The following ERCC6L variants were observed in gnomAD, a reference collection of about 807,000 sequenced individuals.
ERCC6L encodes the protein ERCC excision repair 6 like, spindle assembly checkpoint helicase, also known as DNA excision repair protein ERCC-6-like.
ERCC6L carries 7 observed loss-of-function variants against 20.1 expected under a neutral mutation model. That is an observed-to-expected ratio of 0.35 (90% CI 0.20 to 0.65). ERCC6L has a LOEUF of 0.65. ERCC6L is among the 30% of genes least tolerant of loss of function. The pLI, the probability that ERCC6L is intolerant of heterozygous loss-of-function variation, is 0.69. For synonymous variants in ERCC6L, 278 were observed against 331.3 expected (o/e 0.84, Z 1.75); for missense variants, 592 against 892.4 (o/e 0.66, Z 4.29).
At chrX:72,215,615 A>C in intron 1 of ERCC6L, among the ~76,000 whole-genome samples, 1 of 111,724 alleles carries the variant, frequency 9.0e-6, no homozygotes, top group Non-Finnish European at 1.9e-5. Flanking sequence ...CTGCTTTGCC[A>C]ATAGACTGCT....
chrX:72,238,780 G>A (rs1232566037), intron 1 of ERCC6L, 64 bp downstream of exon 1: 2 of 1,069,960 alleles, frequency 1.9e-6, no homozygotes, highest in South Asian at 2.0e-5. Flanking sequence ...AGGATCCGGG[G>A]GCCACCCCAC....
At chrX:72,224,900 C>G (rs1602447786) in intron 1 of ERCC6L, among the ~76,000 whole-genome samples, 1 of 111,298 alleles carries the variant, frequency 9.0e-6, no homozygotes, top group Non-Finnish European at 1.9e-5. Flanking sequence ...ACAATATCAC[C>G]TCAACCCTAA....
At chrX:72,209,248 TTCCCAGAGCTTCCGC>T (rs1329089082) in intron 1 of ERCC6L, among the ~76,000 whole-genome samples, 1 of 111,282 alleles carries the variant, frequency 9.0e-6, no homozygotes, top group Non-Finnish European at 1.9e-5. Context: ...TCCTCAAGTT[TTCCCAGAGCTTCCGC>T]TCCCACCTAT....
At chrX:72,222,601 T>A (rs930479052) in intron 1 of ERCC6L, among the ~76,000 whole-genome samples, 1 of 105,972 alleles carries the variant, frequency 9.4e-6, no homozygotes, top group Non-Finnish European at 2.0e-5. Flanking sequence ...CAGCCTTTTT[T>A]TTTTTTTTTT....
chrX:72,226,574 T>TA (rs771823081), intron 1 of ERCC6L, among the ~76,000 whole-genome samples: 7 of 112,072 alleles, frequency 6.2e-5, no homozygotes, highest in African/African-American at 2.3e-4. Context: ...ACTCATCACT[T>TA]ACTAAAGGCA....
rs750805759 is a variant in ERCC6L, at chrX:72,207,422, G to C, written c.1345C>G (p.Gln449Glu). ...EDSPDVDHID[Q>E]VTDDTLMEES... Reference sequence around the variant, plus strand: ...TCCATCAATGTGTCATCAGTTACTTGATCAATATGGTCCACATCTGGGGAA... The same window carrying C: ...TCCATCAATGTGTCATCAGTTACTTCATCAATATGGTCCACATCTGGGGAA... The change falls in exon 2 of 2, where the codon CAA (glutamine) becomes GAA (glutamate). Residue 449 changes from glutamine (Q) to glutamate (E), a missense_variant. Physicochemically the swap from Gln to Glu is conservative, Grantham distance 29 (BLOSUM62 2). Coordinates refer to ENST00000334463, the MANE Select transcript of ERCC6L (RefSeq NM_017669.4). The C allele has an allele frequency of 1.7e-6, 2 of 1,211,018 alleles. No homozygotes were observed. Among genetic ancestry groups the C allele is most frequent in the Non-Finnish European group, 2.2e-6 (2 of 895,239 alleles).
chrX:72,206,160 A>G lies in ERCC6L; in HGVS notation c.2607T>C (p.Leu869=), dbSNP rs934837493. 1 of 1,211,886 alleles carries G rather than the reference A, an allele frequency of 8.3e-7. No individual in the cohort carries two copies. Among genetic ancestry groups the G allele is most frequent in the Non-Finnish European group, 1.1e-6 (1 of 895,430 alleles). Residue 869 remains leucine (L), a synonymous_variant, in exon 2 of 2, where the codon CTT becomes CTC. Coordinates refer to ENST00000334463, the MANE Select transcript of ERCC6L (RefSeq NM_017669.4). ...EDPLESFNYV[L]SKSTKADIGP... ...CAATATCAGCTTTGGTTGATTTGCT[A>G]AGTACATAATTAAAACTTTCCAGAG...
intron 1 of ERCC6L, among the ~76,000 whole-genome samples, chrX:72,224,930 C>A (rs1034432958): frequency 9.0e-6 from 1 of 111,063 alleles, no homozygotes; most frequent in Non-Finnish European, 1.9e-5. Context: ...GGGACTCAAG[C>A]CCATCATCTA....
intron 1 of ERCC6L, among the ~76,000 whole-genome samples, chrX:72,233,170 A>C (rs900658532): frequency 9.0e-6 from 1 of 111,724 alleles, no homozygotes; most frequent in African/African-American, 3.3e-5. Context: ...ATACTTCCTG[A>C]TATGACACAA....
In ERCC6L at chrX:72,206,297, GTTC is replaced by G. The variant is rs771530996; in HGVS notation, c.2467_2469del (p.Glu823del). 1.7e-6 allele frequency: 2 copies of G among 1,208,408 alleles called. No homozygotes were observed. Among genetic ancestry groups the G allele is most frequent in the Admixed American group, 4.4e-5 (2 of 45,555 alleles). On this transcript the variant is annotated inframe_deletion, in exon 2 of 2. Transcript: ENST00000334463. ...ATTCCCAATGAAGAGTTAGTACAAA[GTTC>G]TTCTACACTTCCAAACCCCTTTGGT...
intron 1 of ERCC6L, among the ~76,000 whole-genome samples, chrX:72,213,148 C>T (rs1051726453): frequency 4.5e-5 from 5 of 111,675 alleles, no homozygotes; most frequent in African/African-American, 1.6e-4. Flanking sequence ...GTCCTCTCAA[C>T]AAGAACCCAG....
Position 72,205,201 on chromosome X carries a change from G to A in ERCC6L, c.3566C>T (p.Pro1189Leu). 1 of 1,211,528 alleles carries A rather than the reference G, an allele frequency of 8.3e-7. No homozygotes were observed. Among genetic ancestry groups the A allele is most frequent in the South Asian group, 1.8e-5 (1 of 56,948 alleles). Reference protein sequence around the residue: ...PLSGEQLVGSPQDKAAEATND... With the variant: ...PLSGEQLVGSLQDKAAEATND... ...TGTAGCCTCTGCCGCCTTATCCTGGGGAGAACCAACCAACTGTTCACCAGA... is the reference window on the plus strand; with the variant it reads ...TGTAGCCTCTGCCGCCTTATCCTGGAGAGAACCAACCAACTGTTCACCAGA... Residue 1189 changes from proline to leucine, a missense_variant, in exon 2 of 2, where the codon CCC becomes CTC. Transcript: ENST00000334463.
At chrX:72,211,573 A>C (rs1047298498) in intron 1 of ERCC6L, among the ~76,000 whole-genome samples, 2 of 111,388 alleles carry the variant, frequency 1.8e-5, no homozygotes, top group African/African-American at 6.5e-5. Context: ...ATTCAAGATG[A>C]GATTGAGGAT....
Position 72,205,663 on chromosome X carries a change from T to C in ERCC6L, c.3104A>G (p.Asp1035Gly), listed in dbSNP as rs1288859585. The change falls in exon 2 of 2, where the codon GAT becomes GGT. Residue 1035 changes from aspartate to glycine, a missense_variant. Around this residue, in one of 3 missense-constraint regions of ERCC6L, gnomAD observed 352 missense variants for 402.6 expected, o/e 0.87. Transcript: ENST00000334463. ...TATGCTTGAGGTATCTTTAAAAGAA[T>C]CATCTTCATCTTCGCCATCTGAAAC... ...RIVSDGEDED[D>G]SFKDTSSINP... The C allele has an allele frequency of 5.0e-6, 6 of 1,210,505 alleles. No individual in the cohort carries two copies. The highest frequency in any genetic ancestry group is 1.8e-5 in the South Asian group (1 of 56,900).
chrX:72,222,446 G>GACT (rs1308099199), intron 1 of ERCC6L, among the ~76,000 whole-genome samples: 1 of 111,463 alleles, frequency 9.0e-6, no homozygotes, highest in Non-Finnish European at 1.9e-5. Flanking sequence ...TAGAGACACA[G>GACT]ACTGGACTTA....
At chrX:72,216,507 AATC>A (rs1230407848) in intron 1 of ERCC6L, among the ~76,000 whole-genome samples, 2 of 112,021 alleles carry the variant, frequency 1.8e-5, no homozygotes, top group Non-Finnish European at 3.8e-5. Context: ...CACAACGTGT[AATC>A]ATCACCACTA....
At chrX:72,208,967 T>A (rs1405276846) in intron 1 of ERCC6L, among the ~76,000 whole-genome samples, 1 of 111,868 alleles carries the variant, frequency 8.9e-6, no homozygotes, top group African/African-American at 3.2e-5. Flanking sequence ...ATTTTTTTTT[T>A]AATTGGCACC....
intron 1 of ERCC6L, among the ~76,000 whole-genome samples, chrX:72,213,536 C>T (rs1204811857): frequency 1.8e-5 from 2 of 111,772 alleles, no homozygotes; most frequent in Non-Finnish European, 3.8e-5. Context: ...AGCTTTCGCT[C>T]ACCGTCCACC....
chrX:72,206,488 G>A lies in ERCC6L; in HGVS notation c.2279C>T (p.Thr760Ile). 1 of 1,211,292 alleles carries A rather than the reference G, an allele frequency of 8.3e-7. No homozygotes were observed. The highest frequency in any genetic ancestry group is 1.1e-6 in the Non-Finnish European group (1 of 895,396). ...GATATCTTCTTCCTGAGTATGATGAGTACTTAGAAGAGGTGAAGGCTGAGG... is the reference window on the plus strand; with the variant it reads ...GATATCTTCTTCCTGAGTATGATGAATACTTAGAAGAGGTGAAGGCTGAGG... ...PQPQPSPLLS[T>I]HHTQEEDISS... Residue 760 changes from threonine (T) to isoleucine (I), a missense_variant, in exon 2 of 2, where the codon ACT (threonine) becomes ATT (isoleucine). Around this residue, in one of 3 missense-constraint regions of ERCC6L, gnomAD observed 352 missense variants for 402.6 expected, o/e 0.87. Coordinates refer to ENST00000334463, the MANE Select transcript of ERCC6L (RefSeq NM_017669.4).
Sources: gnomAD v4.1 joint callset for allele counts (sites outside exome capture counted in the v4.1 genomes callset) on GRCh38, gnomAD v4.1.1 for gene constraint, gnomAD v4.1.1 regional missense constraint, MANE v1.5 for transcripts, NCBI Gene and HGNC (gene_info 2026-07-23, HGNC 2026-07-21) for gene names.